AGBL1: variants seen among roughly 807,000 people sequenced by gnomAD.
AGBL1 encodes cytosolic carboxypeptidase 4.
In AGBL1, 130 loss-of-function variants were observed where a neutral mutation model predicts 118.9. The observed-to-expected ratio is 1.09, with a 90% CI of 0.95 to 1.26. AGBL1 has a LOEUF of 1.26. Ranked by LOEUF, AGBL1 falls within the 50% of genes most tolerant of loss-of-function variation. The pLI is 0.00. For synonymous variants in AGBL1, 555 were observed against 478.9 expected (o/e 1.16, Z -2.08); for missense variants, 1,584 against 1,298.1 (o/e 1.22, Z -3.38).
At chr15:86,845,655 T>A (rs757294668) in intron 22 of AGBL1, among the ~76,000 whole-genome samples, 2 of 152,204 alleles carry the variant, frequency 1.3e-5, no homozygotes, top group African/African-American at 2.4e-5. Context: ...GAAAGATTAG[T>A]ATTATTTCAT....
In AGBL1 at chr15:86,837,768, G is replaced by GA. The variant is rs556477432; in HGVS notation, c.3159-69318dup. On this transcript the variant is annotated intron_variant, in intron 22 of 22. Coordinates refer to ENST00000614907, the MANE Select transcript of AGBL1 (RefSeq NM_001386094.1). ...GTATCCTCAAAATGGTTTTGGATTA[G>GA]AGCGTGAGAGAGAAGACTACATTTC... 5.3e-3 allele frequency among the ~76,000 whole-genome samples: 803 copies of GA among 152,332 alleles called. 1 individual carries two copies. The highest frequency in any genetic ancestry group is 0.017 in the Middle Eastern group (5 of 294).
chr15:86,689,653 G>A (rs953602245), intron 22 of AGBL1, among the ~76,000 whole-genome samples: 9 of 151,946 alleles, frequency 5.9e-5, no homozygotes, highest in African/African-American at 2.2e-4. Context: ...TACACCCATG[G>A]CATTACCTCA....
intron 17 of AGBL1, among the ~76,000 whole-genome samples, chr15:86,302,458 A>AGGAG (rs995197395): frequency 3.3e-5 from 5 of 152,046 alleles, no homozygotes; most frequent in Non-Finnish European, 7.4e-5. Context: ...TGCAGAAGCA[A>AGGAG]GGAGACCTGG....
chr15:86,435,172 T>G lies in AGBL1; in HGVS notation c.2555+37626T>G, dbSNP rs142998946. ...ATTTGTCATTAACCTACCAAGTAAA[T>G]CTCTACATAAGCACATATGAGTCCC... On this transcript the variant is annotated intron_variant, in intron 18 of 22. Transcript: ENST00000614907. 2.0e-4 allele frequency among the ~76,000 whole-genome samples: 30 copies of G among 151,814 alleles called. No individual in the cohort carries two copies. In the East Asian group the frequency reaches 5.1e-3, roughly 26 times the overall value.
chr15:86,991,635 T>A (rs995862408), intron 24 of AGBL1, among the ~76,000 whole-genome samples: 2 of 152,120 alleles, frequency 1.3e-5, no homozygotes, highest in African/African-American at 4.8e-5. Context: ...GAGGAGGAAC[T>A]AGGATTTGAG....
chr15:86,550,089 C>T (rs1278646287), intron 20 of AGBL1, among the ~76,000 whole-genome samples: 3 of 151,862 alleles, frequency 2.0e-5, no homozygotes, highest in African/African-American at 7.3e-5. Context: ...GAAAAGTAAA[C>T]AGCTGTAGAG....
chr15:86,931,793 ATAACC>A (rs2080609470), intron 23 of AGBL1, among the ~76,000 whole-genome samples: 1 of 152,198 alleles, frequency 6.6e-6, no homozygotes, highest in South Asian at 2.1e-4. Flanking sequence ...ATTTATAACT[ATAACC>A]CTGAAGGCAT....
intron 22 of AGBL1, among the ~76,000 whole-genome samples, chr15:86,747,683 G>GTGT (rs2141247269): frequency 6.6e-6 from 1 of 152,180 alleles, no homozygotes; most frequent in African/African-American, 2.4e-5. Flanking sequence ...CTGTGTCCAT[G>GTGT]TGTTCTCTTT....
chr15:86,201,414 A>G (rs544758819), intron 5 of AGBL1, among the ~76,000 whole-genome samples: 5 of 152,350 alleles, frequency 3.3e-5, no homozygotes, highest in Admixed American at 2.6e-4. Context: ...ATCTAGATAT[A>G]GCAAGCACAG....
intron 23 of AGBL1, among the ~76,000 whole-genome samples, chr15:86,982,139 T>G (rs998861): frequency 0.055 from 8,394 of 152,184 alleles, 757 homozygotes; most frequent in African/African-American, 0.19. Flanking sequence ...CTAGAAAAAG[T>G]TACTGCCCTC....
intron 18 of AGBL1, among the ~76,000 whole-genome samples, chr15:86,430,448 T>C (rs2081921902): frequency 6.9e-6 from 1 of 144,536 alleles, no homozygotes. Flanking sequence ...TGAGCCGAGA[T>C]CACGCCACTG....
intron 18 of AGBL1, among the ~76,000 whole-genome samples, chr15:86,465,279 G>A (rs998468896): frequency 2.0e-5 from 3 of 152,084 alleles, no homozygotes; most frequent in Non-Finnish European, 2.9e-5. Context: ...CTATGCCTGT[G>A]TTTACTTTAA....
intron 18 of AGBL1, among the ~76,000 whole-genome samples, chr15:86,483,904 T>C (rs2082683020): frequency 6.6e-6 from 1 of 152,144 alleles, no homozygotes; most frequent in Non-Finnish European, 1.5e-5. Context: ...ATGAAGCTTC[T>C]TGCTATTTTA....
At chr15:86,722,077 C>T (rs979827062) in intron 22 of AGBL1, among the ~76,000 whole-genome samples, 1 of 152,066 alleles carries the variant, frequency 6.6e-6, no homozygotes, top group African/African-American at 2.4e-5. Context: ...AATGGCCATA[C>T]TGCCCAAGGT....
At chr15:86,165,046 G>A (rs2077318290) in intron 5 of AGBL1, among the ~76,000 whole-genome samples, 1 of 152,102 alleles carries the variant, frequency 6.6e-6, no homozygotes, top group Non-Finnish European at 1.5e-5. Context: ...TTACCCTCAG[G>A]GTCAGTCTCA....
At position 86,936,236 on chromosome 15, in the gene AGBL1, ATGTATG is replaced by A. The variant is rs1044387751; in HGVS notation, c.3222-51747_3222-51742del. The stretch of plus-strand genomic sequence containing the variant: ...TGCCAAATTGTAAACAGCAGTGTGT[ATGTATG>A]TGTGTGTGTGTGTGTGTGTGTGTGT... On this transcript the variant is annotated intron_variant, in intron 23 of 24. Transcript: ENST00000441037. 2.1e-3 allele frequency among the ~76,000 whole-genome samples: 220 copies of A among 105,688 alleles called. 1 individual carries two copies. Among genetic ancestry groups the A allele is most frequent in the South Asian group, 9.7e-3 (20 of 2,058 alleles). 69.3% of individuals were successfully genotyped at this position (105,688 alleles called of 152,430 possible).
At position 86,828,203 on chromosome 15, in the gene AGBL1, A is replaced by G. The variant is rs917475507; in HGVS notation, c.3159-78884A>G. On this transcript the variant is annotated intron_variant, in intron 22 of 22. Coordinates refer to ENST00000614907, the MANE Select transcript of AGBL1 (RefSeq NM_001386094.1). ...AGAGATCCTCCTGCCTCGGCTTCCCAAAGTTCTGAGATTACAGCCATGAGC... is the reference window on the plus strand; with the variant it reads ...AGAGATCCTCCTGCCTCGGCTTCCCGAAGTTCTGAGATTACAGCCATGAGC... Among the ~76,000 whole-genome samples, 9 of 151,648 alleles carry G rather than the reference A, an allele frequency of 5.9e-5. No homozygotes were observed. The East Asian group carries it at 9.7e-4, about 16-fold the overall frequency.
At chr15:86,639,679 C>T (rs964911065) in intron 21 of AGBL1, among the ~76,000 whole-genome samples, 1 of 152,140 alleles carries the variant, frequency 6.6e-6, no homozygotes, top group Admixed American at 6.6e-5. Context: ...GACAAATGTC[C>T]ACTGACAAAG....
At position 86,647,722 on chromosome 15, in the gene AGBL1, T is replaced by C. The variant is rs575237548; in HGVS notation, c.2995-26551T>C. Among the ~76,000 whole-genome samples the C allele has an allele frequency of 2.6e-4, 39 of 152,232 alleles. No individual in the cohort carries two copies. In the South Asian group the frequency reaches 4.4e-3, roughly 17 times the overall value. On this transcript the variant is annotated intron_variant, in intron 21 of 22. Coordinates refer to ENST00000614907, the MANE Select transcript of AGBL1 (RefSeq NM_001386094.1). The stretch of plus-strand genomic sequence containing the variant: ...TCTCAAAATACAAAAAGAAAATATG[T>C]TAAATTTCCAATATACAATGCACAA...
Sources: allele counts gnomAD v4.1 joint callset (sites outside exome capture counted in the v4.1 genomes callset), GRCh38; gene constraint gnomAD v4.1.1; transcripts MANE v1.5; gene names NCBI Gene and HGNC (gene_info 2026-07-23, HGNC 2026-07-21).